Variants in ZMIZ1 observed in about 807,000 individuals in gnomAD.
The protein encoded by ZMIZ1 is zinc finger MIZ-type containing 1.
ZMIZ1 carries 17 observed loss-of-function variants against 113.9 expected under a neutral mutation model. That is an observed-to-expected ratio of 0.15 (90% confidence interval 0.10 to 0.22). The LOEUF (loss-of-function observed/expected upper bound fraction) is 0.22. ZMIZ1 is among the 10% of genes least tolerant of loss of function. ZMIZ1 has a pLI of 1.00. For missense variants in ZMIZ1, 1,059 were observed against 1,477.8 expected (o/e 0.72, Z 4.65); for synonymous variants, 607 against 603.1 (o/e 1.01, Z -0.09).
intron 14 of ZMIZ1, 89 bp from the exon 15 acceptor site, chr10:79,298,317 C>T: frequency 7.0e-7 from 1 of 1,429,204 alleles, no homozygotes; most frequent in South Asian, 1.4e-5. Flanking sequence ...GCTCCAGGCC[C>T]CTGGGATGAG....
intron 7 of ZMIZ1, among the ~76,000 whole-genome samples, chr10:79,238,397 A>G (rs559467712): frequency 6.6e-6 from 1 of 152,256 alleles, no homozygotes; most frequent in African/African-American, 2.4e-5. Flanking sequence ...AGCGGGGTAG[A>G]GTGGCAGGAG....
At chr10:79,210,535 T>C (rs949521510) in intron 6 of ZMIZ1, among the ~76,000 whole-genome samples, 4 of 151,900 alleles carry the variant, frequency 2.6e-5, no homozygotes, top group African/African-American at 7.3e-5. Context: ...TCCTGAGGAG[T>C]TGACCTCCTT....
At chr10:79,274,686 C>T (rs1852159944) in intron 7 of ZMIZ1, among the ~76,000 whole-genome samples, 1 of 152,250 alleles carries the variant, frequency 6.6e-6, no homozygotes, top group Admixed American at 6.5e-5. Flanking sequence ...ATCCCCCCAC[C>T]ACCTCTTGGT....
chr10:79,190,655 T>G (rs1448253606), intron 4 of ZMIZ1, among the ~76,000 whole-genome samples: 1 of 152,212 alleles, frequency 6.6e-6, no homozygotes, highest in African/African-American at 2.4e-5. Context: ...GCCACTGCCC[T>G]GGGTCATTCA....
intron 8 of ZMIZ1, among the ~76,000 whole-genome samples, chr10:79,279,142 C>A (rs1387839592): frequency 6.7e-6 from 1 of 149,492 alleles, no homozygotes; most frequent in Non-Finnish European, 1.5e-5. Flanking sequence ...GCTGGCCGGA[C>A]GGGGGCTGCC....
In ZMIZ1 at chr10:79,306,329, G is replaced by A. The variant is rs148650342; in HGVS notation, c.2653G>A (p.Asp885Asn). 1.1e-5 allele frequency: 18 copies of A among 1,610,200 alleles called. No individual in the cohort carries two copies. The highest frequency in any genetic ancestry group is 5.3e-5 in the African/African-American group (4 of 74,916). The change falls in exon 22 of 25, where the codon GAC becomes AAC. Residue 885 changes from aspartate to asparagine, a missense_variant. Physicochemically the swap from Asp to Asn is conservative, Grantham distance 23. Transcript: ENST00000334512. ...TCCCCCAGGGGGCACCAACTCCAAC[G>A]ACTACAGCAGCCAAGGTGGGTGATG... is the stretch of plus-strand genomic sequence containing the variant. The part of the protein sequence containing the change: ...PPPPGGTNSN[D>N]YSSQGNNYQG...
At chr10:79,280,778 G>A (rs879358588) in intron 8 of ZMIZ1, among the ~76,000 whole-genome samples, 4 of 151,886 alleles carry the variant, frequency 2.6e-5, no homozygotes, top group Non-Finnish European at 4.4e-5. Context: ...GTTAAGGACC[G>A]CTGCTCTAAA....
intron 4 of ZMIZ1, among the ~76,000 whole-genome samples, chr10:79,188,072 A>C (rs1417734523): frequency 2.0e-5 from 3 of 152,220 alleles, no homozygotes; most frequent in African/African-American, 7.2e-5. Flanking sequence ...TTATAAAGAT[A>C]ATTCACATAA....
Position 79,208,469 on chromosome 10 carries a change from G to A in ZMIZ1, c.174+20G>A, listed in dbSNP as rs375165328. The A allele has an allele frequency of 7.3e-5, 117 of 1,600,654 alleles. No individual in the cohort carries two copies. In the African/African-American group the frequency reaches 8.4e-4, roughly 12 times the overall value. ...TTGACGGTGAGTCTGCACCCTGTCC[G>A]CCTGCATTCCTGCCCAGGAAGGTCA... On this transcript the variant is annotated intron_variant, in intron 6 of 24. Transcript: ENST00000334512.
chr10:79,165,936 G>A (rs72816266), intron 4 of ZMIZ1, among the ~76,000 whole-genome samples: 25,337 of 81,938 alleles, frequency 0.31, 3,060 homozygotes, highest in Middle Eastern at 0.4. Context: ...TGGCCTCCAA[G>A]CCCCAGCTCA....
intron 7 of ZMIZ1, among the ~76,000 whole-genome samples, chr10:79,234,110 G>A (rs1054202987): frequency 2.6e-5 from 4 of 152,280 alleles, no homozygotes; most frequent in Admixed American, 6.5e-5. Context: ...CCTGGGGAGC[G>A]AAAGAACGTT....
At chr10:79,221,068 T>C (rs1564533251) in intron 7 of ZMIZ1, among the ~76,000 whole-genome samples, 1 of 152,200 alleles carries the variant, frequency 6.6e-6, no homozygotes, top group African/African-American at 2.4e-5. Flanking sequence ...ATGCATGTTA[T>C]CTGTGTGTGG....
intron 7 of ZMIZ1, among the ~76,000 whole-genome samples, chr10:79,272,087 G>A (rs1424195850): frequency 2.0e-5 from 3 of 151,998 alleles, no homozygotes; most frequent in Non-Finnish European, 4.4e-5. Flanking sequence ...TGGCCAACAT[G>A]GCAAAACTCC....
intron 7 of ZMIZ1, among the ~76,000 whole-genome samples, chr10:79,253,509 A>G (rs925333861): frequency 1.3e-5 from 2 of 152,192 alleles, no homozygotes; most frequent in African/African-American, 4.8e-5. Context: ...AGAGTGCTTC[A>G]GAGTCCAGAA....
intron 21 of ZMIZ1, among the ~76,000 whole-genome samples, chr10:79,305,885 C>G (rs2132086783): frequency 6.6e-6 from 1 of 152,342 alleles, no homozygotes; most frequent in African/African-American, 2.4e-5. Flanking sequence ...GCCAGCTGCC[C>G]TGTGCCCAGC....
At chr10:79,147,037 C>T (rs1225197313) in intron 3 of ZMIZ1, among the ~76,000 whole-genome samples, 1 of 152,068 alleles carries the variant, frequency 6.6e-6, no homozygotes, top group Non-Finnish European at 1.5e-5. Flanking sequence ...CGCTATTTGT[C>T]CAAGTAAGCA....
chr10:79,144,895 C>A (rs1412620147), intron 3 of ZMIZ1, among the ~76,000 whole-genome samples: 1 of 151,894 alleles, frequency 6.6e-6, no homozygotes, highest in Non-Finnish European at 1.5e-5. Flanking sequence ...AAGGCCCTGA[C>A]CTCCTCTCTG....
At chr10:79,247,157 G>T (rs561223849) in intron 7 of ZMIZ1, among the ~76,000 whole-genome samples, 2 of 152,268 alleles carry the variant, frequency 1.3e-5, no homozygotes, top group East Asian at 1.9e-4. Flanking sequence ...GTGGCTTTCT[G>T]CAGGGACCCC....
chr10:79,305,372 AGGT>A, intron 20 of ZMIZ1, 141 bp downstream of exon 20: 1 of 1,216,176 alleles, frequency 8.2e-7, no homozygotes, highest in Non-Finnish European at 1.2e-6. Context: ...TGGGGGCTCC[AGGT>A]GGTCCCTTGG....
Sources: gnomAD v4.1 joint callset for allele counts (sites outside exome capture counted in the v4.1 genomes callset) on GRCh38, gnomAD v4.1.1 for gene constraint, MANE v1.5 for transcripts, NCBI Gene and HGNC (gene_info 2026-07-23, HGNC 2026-07-21) for gene names.